The following PTPRD variants were observed in gnomAD, a reference collection of about 807,000 sequenced individuals.
The protein encoded by PTPRD is protein tyrosine phosphatase receptor type D.
A neutral mutation model predicts 214.5 loss-of-function variants in PTPRD; 34 were observed. The observed-to-expected ratio is 0.16, with a 90% confidence interval of 0.12 to 0.21. The LOEUF (loss-of-function observed/expected upper bound fraction) is 0.21. PTPRD is among the 10% of genes least tolerant of loss of function. The pLI, the probability that PTPRD is intolerant of heterozygous loss-of-function variation, is 1.00. For missense variants in PTPRD, 2,545 were observed against 2,398.7 expected (o/e 1.06, Z -1.27); for synonymous variants, 1,128 against 845.7 (o/e 1.33, Z -5.79).
chr9:10,068,081 A>G (rs903133989), intron 3 of PTPRD, among the ~76,000 whole-genome samples: 4 of 151,954 alleles, frequency 2.6e-5, no homozygotes, highest in Admixed American at 6.6e-5. Context: ...TAAAAAAATA[A>G]TGGATTCAAC....
chr9:8,800,829 C>A (rs1287568469), intron 11 of PTPRD, among the ~76,000 whole-genome samples: 1 of 152,162 alleles, frequency 6.6e-6, no homozygotes, highest in Non-Finnish European at 1.5e-5. Flanking sequence ...ATTGGGACCC[C>A]TTTCCTGTAA....
In PTPRD at chr9:10,085,052, GT is replaced by G. The variant is rs545646440; in HGVS notation, c.-544-51263del. ...GTAAAGGATGTCCTCTGGGTGTGTA[GT>G]ATGGTGGGCTGGTACATGAACATTC... On this transcript the variant is annotated intron_variant, in intron 3 of 45. Transcript: ENST00000381196. 1.8e-3 allele frequency among the ~76,000 whole-genome samples: 278 copies of G among 151,992 alleles called. 1 individual carries two copies. Among genetic ancestry groups the G allele is most frequent in the African/African-American group, 6.3e-3 (261 of 41,508 alleles).
intron 11 of PTPRD, among the ~76,000 whole-genome samples, chr9:8,899,874 G>C (rs1371375127): frequency 4.6e-5 from 7 of 152,194 alleles, no homozygotes; most frequent in Non-Finnish European, 7.3e-5. Flanking sequence ...GACATTCAAA[G>C]AGCAACAAGT....
chr9:9,354,266 A>G (rs1404828277), intron 9 of PTPRD, among the ~76,000 whole-genome samples: 1 of 151,836 alleles, frequency 6.6e-6, no homozygotes, highest in African/African-American at 2.4e-5. Context: ...GGATTTGTAC[A>G]GGGACATGTA....
intron 3 of PTPRD, among the ~76,000 whole-genome samples, chr9:10,171,758 T>C (rs1321654387): frequency 4.6e-5 from 7 of 152,126 alleles, no homozygotes; most frequent in South Asian, 2.1e-4. Flanking sequence ...CTCCTGACCT[T>C]GTGATCCACC....
At chr9:9,751,094 A>C (rs1453548678) in intron 6 of PTPRD, among the ~76,000 whole-genome samples, 4 of 152,154 alleles carry the variant, frequency 2.6e-5, no homozygotes, top group Non-Finnish European at 5.9e-5. Context: ...GATTCTAAAC[A>C]TGCACACTCT....
chr9:9,668,144 C>T (rs1470165149), intron 7 of PTPRD, among the ~76,000 whole-genome samples: 1 of 152,008 alleles, frequency 6.6e-6, no homozygotes, highest in Non-Finnish European at 1.5e-5. Flanking sequence ...AAGAAGCCAC[C>T]AGGTCTCACT....
At chr9:8,525,649 C>T (rs1180107979) in intron 17 of PTPRD, among the ~76,000 whole-genome samples, 5 of 152,122 alleles carry the variant, frequency 3.3e-5, no homozygotes, top group South Asian at 4.1e-4. Context: ...TCATTTATTA[C>T]GTTTGCTGAA....
chr9:9,259,716 T>A (rs751555903), intron 9 of PTPRD, among the ~76,000 whole-genome samples: 9 of 151,918 alleles, frequency 5.9e-5, no homozygotes, highest in Admixed American at 6.6e-5. Context: ...TACAGACAAT[T>A]ATCACCAATA....
intron 7 of PTPRD, among the ~76,000 whole-genome samples, chr9:9,661,429 G>A (rs2096619892): frequency 6.6e-6 from 1 of 151,728 alleles, no homozygotes; most frequent in Admixed American, 6.6e-5. Flanking sequence ...CAACCTAGAA[G>A]CATCTTCATG....
chr9:8,887,610 A>AT (rs1014842655), intron 11 of PTPRD, among the ~76,000 whole-genome samples: 2 of 151,942 alleles, frequency 1.3e-5, no homozygotes, highest in African/African-American at 4.8e-5. Flanking sequence ...AGATTACAAC[A>AT]TTTTTTTATT....
chr9:8,610,624 G>A (rs2095413540), intron 14 of PTPRD, among the ~76,000 whole-genome samples: 6 of 152,212 alleles, frequency 3.9e-5, no homozygotes, highest in Admixed American at 3.9e-4. Flanking sequence ...AAGCACCACA[G>A]ACTGACCTTT....
chr9:8,399,752 T>C lies in PTPRD; in HGVS notation c.4210+4785A>G, dbSNP rs576006350. Among the ~76,000 whole-genome samples the C allele has an allele frequency of 1.1e-4, 17 of 152,268 alleles. 1 individual carries two copies. Among genetic ancestry groups the C allele is most frequent in the African/African-American group, 3.6e-4 (15 of 41,556 alleles). ...AAAAGGCATCAGTTTTGAATTAGGT[T>C]TGATGTACACAGGCAGGGCTATTAT... On this transcript the variant is annotated intron_variant, in intron 36 of 45. Coordinates refer to ENST00000381196, the MANE Select transcript of PTPRD (RefSeq NM_002839.4).
chr9:9,343,114 T>C, intron 9 of PTPRD, among the ~76,000 whole-genome samples: 1 of 152,214 alleles, frequency 6.6e-6, no homozygotes, highest in East Asian at 1.9e-4. Context: ...TGCCACATTT[T>C]CTTCATCCAG....
At chr9:10,267,230 G>C (rs1178766169) in intron 3 of PTPRD, among the ~76,000 whole-genome samples, 17 of 151,172 alleles carry the variant, frequency 1.1e-4, no homozygotes, top group Non-Finnish European at 8.8e-5. Context: ...AAAGTAGTCA[G>C]GGATGGAGCA....
At chr9:10,305,220 C>T (rs1002557144) in intron 3 of PTPRD, among the ~76,000 whole-genome samples, 1 of 151,964 alleles carries the variant, frequency 6.6e-6, no homozygotes, top group Non-Finnish European at 1.5e-5. Flanking sequence ...AAAACTGAAA[C>T]TGGATCCCTT....
At chr9:9,336,762 C>A (rs928474) in intron 9 of PTPRD, among the ~76,000 whole-genome samples, 2 of 152,136 alleles carry the variant, frequency 1.3e-5, no homozygotes, top group East Asian at 3.9e-4. Flanking sequence ...ACTTTTAAAA[C>A]GCCCTTGAAA....
intron 2 of PTPRD, among the ~76,000 whole-genome samples, chr9:10,539,288 A>G (rs1378595589): frequency 6.6e-6 from 1 of 152,106 alleles, no homozygotes; most frequent in Admixed American, 6.6e-5. Flanking sequence ...AGGATCGAGC[A>G]ATTCTCCCAC....
intron 10 of PTPRD, among the ~76,000 whole-genome samples, chr9:9,124,519 A>G (rs2099823020): frequency 6.6e-6 from 1 of 152,166 alleles, no homozygotes; most frequent in African/African-American, 2.4e-5. Flanking sequence ...TTTCAAGACA[A>G]TTATAAGACT....
Sources: gnomAD v4.1 joint callset for allele counts (sites outside exome capture counted in the v4.1 genomes callset) on GRCh38, gnomAD v4.1.1 for gene constraint, MANE v1.5 for transcripts, NCBI Gene and HGNC (gene_info 2026-07-23, HGNC 2026-07-21) for gene names.